MYH15: variants seen among roughly 807,000 people sequenced by gnomAD.
MYH15 encodes myosin heavy chain 15.
In MYH15, 227 loss-of-function variants were observed where a neutral mutation model predicts 240.5. The observed-to-expected ratio is 0.94, with a 90% CI of 0.85 to 1.05. The LOEUF is 1.05. Among genes scored for constraint, MYH15 ranks in the 50% least tolerant of loss-of-function variants. The pLI is 0.00. For synonymous variants in MYH15, 785 were observed against 796.7 expected (o/e 0.99, Z 0.25); for missense variants, 2,217 against 2,247.5 (o/e 0.99, Z 0.27).
At chr3:108,501,361 T>G (rs2083436739) in intron 3 of MYH15, among the ~76,000 whole-genome samples, 1 of 152,172 alleles carries the variant, frequency 6.6e-6, no homozygotes, top group African/African-American at 2.4e-5. Context: ...ATTCTTTTAT[T>G]TAATCCCCCA....
At chr3:108,542,460 GTAA>G in the MYH15 span, among the ~76,000 whole-genome samples, 1 of 152,116 alleles carries the variant, frequency 6.6e-6, no homozygotes, top group Non-Finnish European at 1.5e-5. Context: ...TCATATAGTT[GTAA>G]TAATGTGTGC....
intron 33 of MYH15, among the ~76,000 whole-genome samples, 186 bp from the exon 34 acceptor site, chr3:108,399,453 G>C (rs1360771963): frequency 6.6e-6 from 1 of 152,242 alleles, no homozygotes. Context: ...TTAGGTTAGT[G>C]AGTATATGTC....
At chr3:108,402,223 G>A (rs531304670) in intron 33 of MYH15, among the ~76,000 whole-genome samples, 24 of 152,184 alleles carry the variant, frequency 1.6e-4, no homozygotes, top group African/African-American at 5.5e-4. Context: ...AAAGACACTC[G>A]AAAATATTTT....
In MYH15 at chr3:108,439,745, C is replaced by A; in HGVS notation, c.3067G>T (p.Val1023Phe). The A allele has an allele frequency of 6.2e-7, 1 of 1,601,230 alleles. No individual in the cohort carries two copies. The highest frequency in any genetic ancestry group is 8.5e-7 in the Non-Finnish European group (1 of 1,174,344). Reference sequence around the variant, plus strand: ...GATACACCGTTACTGACCTCATCAACTTGCTGTTCCAGCTTCAGATTTGCT... The same window carrying A: ...GATACACCGTTACTGACCTCATCAAATTGCTGTTCCAGCTTCAGATTTGCT... ...SKANLKLEQQ[V>F]DELEGALEQE... The change falls in exon 24 of 41, where the codon GTT becomes TTT. Residue 1023 changes from valine (V) to phenylalanine (F), a missense_variant. Coordinates refer to ENST00000693548, the MANE Select transcript of MYH15 (RefSeq NM_014981.3).
At chr3:108,499,934 C>T (rs1257356246) in intron 4 of MYH15, among the ~76,000 whole-genome samples, 184 bp downstream of exon 4, 4 of 152,128 alleles carry the variant, frequency 2.6e-5, no homozygotes, top group Non-Finnish European at 4.4e-5. Flanking sequence ...AACTAATCGG[C>T]CCAATAACCC....
Position 108,495,807 on chromosome 3 carries a change from G to C in MYH15, c.684C>G (p.Thr228=), listed in dbSNP as rs2083385117. 1 of 1,611,394 alleles carries C rather than the reference G, an allele frequency of 6.2e-7. No individual in the cohort carries two copies. Among genetic ancestry groups the C allele is most frequent in the Non-Finnish European group, 8.5e-7 (1 of 1,178,968 alleles). Residue 228 remains threonine, a synonymous_variant, in exon 7 of 41, where the codon ACC becomes ACG. Transcript: ENST00000693548. Reference sequence around the variant, plus strand: ...AACGAGAGGAGTTGTCATTTCTCAGGGTTTTAGCATTTCCAAATGCTTCCA... The same window carrying C: ...AACGAGAGGAGTTGTCATTTCTCAGCGTTTTAGCATTTCCAAATGCTTCCA... The part of the protein sequence containing the change: ...TILEAFGNAK[T]LRNDNSSRFG...
the MYH15 span, among the ~76,000 whole-genome samples, chr3:108,539,934 A>G: frequency 6.6e-6 from 1 of 152,144 alleles, no homozygotes; most frequent in African/African-American, 2.4e-5. Flanking sequence ...AGTAAGTTAA[A>G]TACTCTTCTT....
chr3:108,392,092 T>C (rs1260471464), intron 36 of MYH15, among the ~76,000 whole-genome samples, 162 bp from the exon 37 acceptor site: 1 of 152,144 alleles, frequency 6.6e-6, no homozygotes, highest in African/African-American at 2.4e-5. Context: ...ACCCTCGAGT[T>C]TGTTAACAGT....
chr3:108,441,318 GA>G, intron 22 of MYH15, 58 bp from the exon 23 acceptor site: 1 of 1,591,382 alleles, frequency 6.3e-7, no homozygotes. Context: ...TCAGCTAGGC[GA>G]AAATGCTGCT....
chr3:108,476,977 C>T (rs1448721016), intron 11 of MYH15, among the ~76,000 whole-genome samples: 1 of 151,984 alleles, frequency 6.6e-6, no homozygotes, highest in Non-Finnish European at 1.5e-5. Flanking sequence ...TAGGTACACA[C>T]CCAAGATAAA....
At chr3:108,411,039 C>T in intron 30 of MYH15, 107 bp from the exon 31 acceptor site, 1 of 904,108 alleles carries the variant, frequency 1.1e-6, no homozygotes, top group Non-Finnish European at 1.7e-6. Context: ...TAAGATGGCG[C>T]CTCTGCAGTG....
intron 36 of MYH15, among the ~76,000 whole-genome samples, chr3:108,392,408 T>G (rs1330442321): frequency 6.6e-6 from 1 of 152,228 alleles, no homozygotes; most frequent in Non-Finnish European, 1.5e-5. Context: ...AATTTGGCAG[T>G]AACAGATGCT....
At chr3:108,382,143 C>A (rs2082348574) in intron 40 of MYH15, among the ~76,000 whole-genome samples, 1 of 152,186 alleles carries the variant, frequency 6.6e-6, no homozygotes, top group South Asian at 2.1e-4. Context: ...ATGGGAAGCA[C>A]CTCCCTAAAC....
In MYH15 at chr3:108,460,306, C is replaced by A. The variant is rs777181762; in HGVS notation, c.1926G>T (p.Leu642=). 3.1e-6 allele frequency: 5 copies of A among 1,595,258 alleles called. No homozygotes were observed. Among genetic ancestry groups the A allele is most frequent in the East Asian group, 4.5e-5 (2 of 44,614 alleles). ...KGASFQTVAS[L]HKENLNKLMT... ...AGACGCAATTAAAAATTACTTTATG[C>A]AGAGATGCAACCGTTTGGAATGAAG... The change falls in exon 17 of 41, where the codon CTG becomes CTT. Residue 642 remains leucine (L), a synonymous_variant. Transcript: ENST00000693548.
At position 108,428,789 on chromosome 3, in the gene MYH15, C is replaced by T. The variant is rs371685739; in HGVS notation, c.3405G>A (p.Leu1135=). 3 of 1,613,858 alleles carry T rather than the reference C, an allele frequency of 1.9e-6. No homozygotes were observed. The highest frequency in any genetic ancestry group is 2.2e-5 in the South Asian group (2 of 91,046). Residue 1135 remains leucine, a synonymous_variant, in exon 27 of 41, where the codon CTG becomes CTA. Transcript: ENST00000693548. ...CCTCCAGCCTCTCATTCAAGTCAGC[C>T]AGGTCTTGGGTGAGGTCAGCTCTCT... ...ERERADLTQD[L]ADLNERLEEV... is the part of the protein sequence containing the mutation.
At position 108,493,304 on chromosome 3, in the gene MYH15, C is replaced by A. The variant is rs200013609; in HGVS notation, c.712-127G>T. 7.3e-3 allele frequency: 3,401 copies of A among 465,960 alleles called. 1 individual carries two copies. The highest frequency in any genetic ancestry group is 0.017 in the South Asian group (474 of 27,318). The allele number at this position is 465,960 out of a possible 1,614,324, so 28.9% of individuals were successfully genotyped here. On this transcript the variant is annotated intron_variant, in intron 7 of 40. Transcript: ENST00000693548. ...TACTTCCCCAGAAGTAAAAAACAAA[C>A]AAAAAAAAAAAAGAAAGAAAGAAAA...
chr3:108,476,534 A>C lies in MYH15; in HGVS notation c.1115-19T>G. 1 of 1,481,694 alleles carries C rather than the reference A, an allele frequency of 6.7e-7. No individual in the cohort carries two copies. The highest frequency in any genetic ancestry group is 9.4e-7 in the Non-Finnish European group (1 of 1,059,866). 91.8% of individuals were successfully genotyped at this position (1,481,694 alleles called of 1,614,324 possible). Reference sequence around the variant, plus strand: ...TCAGCATCTGGTCATCAGAAATAGAAGAAAAGGAAGGAGAGAGGAAAACAC... The same window carrying C: ...TCAGCATCTGGTCATCAGAAATAGACGAAAAGGAAGGAGAGAGGAAAACAC... On this transcript the variant is annotated intron_variant, in intron 11 of 40. Coordinates refer to ENST00000693548, the MANE Select transcript of MYH15 (RefSeq NM_014981.3).
intron 26 of MYH15, among the ~76,000 whole-genome samples, chr3:108,430,071 A>G (rs1046534565): frequency 2.6e-5 from 4 of 152,228 alleles, no homozygotes; most frequent in African/African-American, 7.2e-5. Flanking sequence ...GACAAGCCCA[A>G]TGAATATGAT....
intron 1 of MYH15, among the ~76,000 whole-genome samples, chr3:108,518,469 T>G (rs937007525): frequency 2.0e-5 from 3 of 152,222 alleles, no homozygotes; most frequent in African/African-American, 7.2e-5. Context: ...CAATCCAGAA[T>G]GAGGCCCCCA....
Sources: allele counts gnomAD v4.1 joint callset (sites outside exome capture counted in the v4.1 genomes callset), GRCh38; gene constraint gnomAD v4.1.1; transcripts MANE v1.5; gene names NCBI Gene and HGNC (gene_info 2026-07-23, HGNC 2026-07-21).